Variants in OLFM1 observed in about 807,000 individuals in gnomAD.
The protein encoded by OLFM1 is olfactomedin 1, also known as noelin.
Under a neutral mutation model 49.7 loss-of-function variants are expected in OLFM1, and 9 were observed. The observed-to-expected ratio is 0.18, with a 90% CI of 0.11 to 0.32. The LOEUF is 0.32. Among genes scored for constraint, OLFM1 ranks in the 10% least tolerant of loss-of-function variants. The pLI, the probability that OLFM1 is intolerant of heterozygous loss-of-function variation, is 1.00. For missense variants in OLFM1, 369 were observed against 661.8 expected, an observed-to-expected ratio of 0.56 and a Z score of 4.85; for synonymous variants, 240 against 271.8, an observed-to-expected ratio of 0.88 and a Z score of 1.15.
chr9:135,112,235 G>A (rs959081838), intron 5 of OLFM1, among the ~76,000 whole-genome samples: 6 of 152,278 alleles, frequency 3.9e-5, no homozygotes, highest in East Asian at 1.9e-4. Flanking sequence ...ATGGAAAGAC[G>A]GCACCAGGGG....
upstream of OLFM1, among the ~76,000 whole-genome samples, chr9:135,087,060 A>C (rs538801060): frequency 6.6e-6 from 1 of 152,216 alleles, no homozygotes; most frequent in South Asian, 2.1e-4. Flanking sequence ...TGCAGGTGTC[A>C]GGAGTGCCGG....
At position 135,088,285 on chromosome 9, in the gene OLFM1, G is replaced by T. The variant is rs1275512130; in HGVS notation, c.150+146G>T. On this transcript the variant is annotated intron_variant, in intron 1 of 5. Transcript: ENST00000371793. This position sits in a 1 kb window ranked among gnomAD's most constrained non-coding sequence, Gnocchi z 4.8. ...CGGGGAGCAGGGCGGGCAAGGGCAG[G>T]CGTCGCGGGCCGGCGCAGCGGTGGC... 2.7e-6 allele frequency: 2 copies of T among 734,202 alleles called. No individual in the cohort carries two copies. The highest frequency in any genetic ancestry group is 3.6e-6 in the Non-Finnish European group (2 of 548,262). The allele number at this position is 734,202 out of a possible 1,614,324, so 45.5% of individuals were successfully genotyped here. A position where few individuals can be genotyped will look rare whatever the true frequency, so the allele number is the denominator to read the frequency against.
rs960473813 is a variant in OLFM1 at position 135,119,377 on chromosome 9, A to G, written c.784-127A>G. 4.2e-5 allele frequency: 32 copies of G among 763,386 alleles called. No homozygotes were observed. In the African/African-American group the frequency reaches 5.2e-4, roughly 12 times the overall value. 47.3% of individuals were successfully genotyped at this position (763,386 alleles called of 1,614,324 possible). ...TGCTTTCTGGGTCTTTGGAGTGCTC[A>G]CTGGGTCTTTGGAGTGCTCAGTGGG... On this transcript the variant is annotated intron_variant, in intron 5 of 5. Transcript: ENST00000371793.
rs1210757528 is a variant in OLFM1 at position 135,088,905 on chromosome 9, G to A, written c.150+766G>A. 6.6e-6 allele frequency among the ~76,000 whole-genome samples: 1 copy of A among 152,216 alleles called. No individual in the cohort carries two copies. Among genetic ancestry groups the A allele is most frequent in the Non-Finnish European group, 1.5e-5 (1 of 68,038 alleles). ...CTAGCGGGAGGGGAACCGTGGCCGG[G>A]GCTGCTTCTGGGCAGAGCTGACTTA... On this transcript the variant is annotated intron_variant, in intron 1 of 5. Coordinates refer to ENST00000371793, the MANE Select transcript of OLFM1 (RefSeq NM_001282611.2). The surrounding 1 kb of genome is among the most constrained non-coding windows in gnomAD (Gnocchi z 4.8).
At chr9:135,106,457 G>T in intron 4 of OLFM1, 1 of 388,152 alleles carries the variant, frequency 2.6e-6, no homozygotes, top group Non-Finnish European at 4.7e-6. Context: ...CCAGGCCATG[G>T]GTCCAGCAGG....
chr9:135,077,198 A>T (rs1376326556), intron 1 of OLFM1: 6 of 1,531,912 alleles, frequency 3.9e-6, no homozygotes, highest in Non-Finnish European at 5.3e-6. Flanking sequence ...ATACCTGCAG[A>T]GAAGAGCCAA....
upstream of OLFM1, among the ~76,000 whole-genome samples, chr9:135,083,197 A>G (rs1019154341): frequency 2.0e-5 from 3 of 152,230 alleles, no homozygotes; most frequent in African/African-American, 7.2e-5. Context: ...CATTCAGCCC[A>G]GAGGGTGACG....
intron 5 of OLFM1, 100 bp from the exon 6 acceptor site, chr9:135,119,404 C>G (rs1237590581): frequency 4.9e-6 from 5 of 1,012,426 alleles, no homozygotes; most frequent in Non-Finnish European, 5.9e-6. Context: ...CTCAGTGGGT[C>G]TTTGGAGTAC....
chr9:135,093,705 C>A (rs1295116184), intron 2 of OLFM1, among the ~76,000 whole-genome samples: 1 of 152,116 alleles, frequency 6.6e-6, no homozygotes, highest in African/African-American at 2.4e-5. Context: ...ACACATCCTG[C>A]AGGCAAGAAA....
At chr9:135,116,091 T>C (rs1233050657) in intron 5 of OLFM1, among the ~76,000 whole-genome samples, 3 of 152,138 alleles carry the variant, frequency 2.0e-5, no homozygotes, top group Non-Finnish European at 4.4e-5. Flanking sequence ...TTGATGGAAT[T>C]TGATCTGAGC....
At chr9:135,109,549 G>T (rs1295964401) in intron 5 of OLFM1, among the ~76,000 whole-genome samples, 1 of 152,092 alleles carries the variant, frequency 6.6e-6, no homozygotes, top group Non-Finnish European at 1.5e-5. Context: ...CCTCGGCTAC[G>T]GCCATTCCAA....
chr9:135,115,269 AC>A, intron 5 of OLFM1, among the ~76,000 whole-genome samples: 1 of 152,120 alleles, frequency 6.6e-6, no homozygotes, highest in Non-Finnish European at 1.5e-5. Context: ...GAGCCTTCAA[AC>A]CCACGTCCAC....
At position 135,088,777 on chromosome 9, in the gene OLFM1, G is replaced by A. The variant is rs1202400628; in HGVS notation, c.150+638G>A. 6.6e-6 allele frequency among the ~76,000 whole-genome samples: 1 copy of A among 152,190 alleles called. No individual in the cohort carries two copies. Among genetic ancestry groups the A allele is most frequent in the Non-Finnish European group, 1.5e-5 (1 of 68,018 alleles). ...CCGAGGGGCTTGGGTGGGGCCCCTG[G>A]GAGCCTGCCCTTGGGCGCTCACCCC... On this transcript the variant is annotated intron_variant, in intron 1 of 5. Coordinates refer to ENST00000371793, the MANE Select transcript of OLFM1 (RefSeq NM_001282611.2). This position sits in a 1 kb window ranked among gnomAD's most constrained non-coding sequence, Gnocchi z 4.8.
At position 135,120,350 on chromosome 9, in the gene OLFM1, C is replaced by T. The variant is rs930768880; in HGVS notation, c.*172C>T. 5 of 655,346 alleles carry T rather than the reference C, an allele frequency of 7.6e-6. No individual in the cohort carries two copies. The highest frequency in any genetic ancestry group is 2.0e-5 in the South Asian group (1 of 48,972). The allele number at this position is 655,346 out of a possible 1,614,324, so 40.6% of individuals were successfully genotyped here. Reference sequence around the variant, plus strand: ...ACCTCCGTGTTTCTCCCTTTCGAGCCGGCGGGCCACAGACGTCGGAAGAAA... The same window carrying T: ...ACCTCCGTGTTTCTCCCTTTCGAGCTGGCGGGCCACAGACGTCGGAAGAAA... On this transcript the variant is annotated 3_prime_UTR_variant, in exon 6 of 6. Coordinates refer to ENST00000371793, the MANE Select transcript of OLFM1 (RefSeq NM_001282611.2).
intron 5 of OLFM1, among the ~76,000 whole-genome samples, chr9:135,119,294 T>C (rs111904098): frequency 0.021 from 2,801 of 134,714 alleles, 37 homozygotes; most frequent in Middle Eastern, 0.046. Flanking sequence ...TTTGGAGTAC[T>C]CACTGGGTCT....
chr9:135,118,789 CGCCGTGTCTTTGG>C (rs1831138336), intron 5 of OLFM1, among the ~76,000 whole-genome samples: 1 of 145,842 alleles, frequency 6.9e-6, no homozygotes, highest in African/African-American at 2.6e-5. Flanking sequence ...TTGGAGTGCT[CGCCGTGTCTTTGG>C]AGTGCTCGCC....
In OLFM1 at chr9:135,080,123, T is replaced by C. The variant is rs549186405; in HGVS notation, c.96+4321T>C. Among the ~76,000 whole-genome samples the C allele has an allele frequency of 2.0e-5, 3 of 152,072 alleles. No homozygotes were observed. The highest frequency in any genetic ancestry group is 2.9e-5 in the Non-Finnish European group (2 of 68,004). On this transcript the variant is annotated intron_variant, in intron 1 of 5. Coordinates refer to the OLFM1 transcript ENST00000252854. The surrounding 1 kb of genome is among the most constrained non-coding windows in gnomAD (Gnocchi z 4.5). The stretch of plus-strand genomic sequence containing the variant: ...GTTCCTCATCCCCCCATTTAGCTCA[T>C]TCTAGAGCTGAAGACCTCACTTCAC...
intron 1 of OLFM1, among the ~76,000 whole-genome samples, chr9:135,081,033 A>G (rs915609845): frequency 2.6e-5 from 4 of 152,078 alleles, no homozygotes; most frequent in African/African-American, 9.7e-5. Context: ...GCCCGCCCGG[A>G]GTTAAAGCCC....
intron 2 of OLFM1, among the ~76,000 whole-genome samples, chr9:135,092,236 TAG>T (rs1341246853): frequency 1.3e-5 from 2 of 152,082 alleles, no homozygotes; most frequent in Non-Finnish European, 2.9e-5. Context: ...GAGGGTGGGC[TAG>T]AGGTTTCGAG....
Sources: allele counts gnomAD v4.1 joint callset (sites outside exome capture counted in the v4.1 genomes callset), GRCh38; gene constraint gnomAD v4.1.1; non-coding constraint Gnocchi (gnomAD v3.1); transcripts MANE v1.5; gene names NCBI Gene and HGNC (gene_info 2026-07-23, HGNC 2026-07-21).